EFR3B: variants seen among roughly 807,000 people sequenced by gnomAD.
EFR3B encodes the protein protein EFR3 homolog B.
A neutral mutation model predicts 104.7 loss-of-function variants in EFR3B; 64 were observed. That is an observed-to-expected ratio of 0.61 (90% CI 0.50 to 0.75). The LOEUF is 0.75. Among genes scored for constraint, EFR3B ranks in the 30% least tolerant of loss-of-function variants. The pLI is 0.00. For synonymous variants in EFR3B, 385 were observed against 417.9 expected (o/e 0.92, Z 0.96); for missense variants, 750 against 1,078.5 (o/e 0.70, Z 4.27).
At position 25,042,365 on chromosome 2, in the gene EFR3B, C is replaced by T; in HGVS notation, c.7+46C>T. 2.4e-6 allele frequency: 3 copies of T among 1,240,670 alleles called. No homozygotes were observed. Among genetic ancestry groups the T allele is most frequent in the Non-Finnish European group, 1.0e-6 (1 of 991,184 alleles). 76.9% of individuals were successfully genotyped at this position (1,240,670 alleles called of 1,614,324 possible). On this transcript the variant is annotated intron_variant, in intron 1 of 22. Coordinates refer to ENST00000403714, the MANE Select transcript of EFR3B (RefSeq NM_014971.2). This position sits in a 1 kb window ranked among gnomAD's most constrained non-coding sequence, Gnocchi z 5.4. ...GGGCCCGGGCCCGCGGGGGCGACTC[C>T]GCAAACTTCCCCGGCGCGGACCATT...
intron 4 of EFR3B, among the ~76,000 whole-genome samples, chr2:25,121,442 C>A (rs960328330): frequency 6.6e-6 from 1 of 152,148 alleles, no homozygotes; most frequent in South Asian, 2.1e-4. Flanking sequence ...CCTCTGCTCC[C>A]GCAGCAGGGG....
rs1429277265 is a variant in EFR3B, at chr2:25,143,842, C to T, written c.2030C>T (p.Pro677Leu). Residue 677 changes from proline (P) to leucine (L), a missense_variant, in exon 18 of 23, where the codon CCC becomes CTC. Physicochemically the swap from Pro to Leu is moderately conservative, Grantham distance 98. Transcript: ENST00000403714. Reference protein sequence around the residue: ...SGYNSDRLCLPYIPQLTDEDR... With the variant: ...SGYNSDRLCLLYIPQLTDEDR... ...TACAACTCGGACCGGCTCTGCCTGC[C>T]CTACATTCCTCAGCTGACAGGTATG... 6 of 1,551,588 alleles carry T rather than the reference C, an allele frequency of 3.9e-6. No homozygotes were observed. The highest frequency in any genetic ancestry group is 5.2e-6 in the Non-Finnish European group (6 of 1,146,954).
chr2:25,067,426 G>GTTTTTTTT (rs111972158), intron 1 of EFR3B, among the ~76,000 whole-genome samples: 12 of 142,818 alleles, frequency 8.4e-5, no homozygotes, highest in African/African-American at 2.8e-4. Context: ...TTTAGTTTTT[G>GTTTTTTTT]TTTTTTTTTT....
chr2:25,121,273 G>A (rs912519522), intron 4 of EFR3B, among the ~76,000 whole-genome samples: 4 of 152,154 alleles, frequency 2.6e-5, no homozygotes, highest in African/African-American at 7.2e-5. Context: ...TTGTGTCCTC[G>A]AATTCATTGA....
intron 1 of EFR3B, among the ~76,000 whole-genome samples, chr2:25,085,412 G>C (rs1175498977): frequency 6.6e-6 from 1 of 152,114 alleles, no homozygotes; most frequent in African/African-American, 2.4e-5. Context: ...TATTTTTAAA[G>C]TAGGTAATAA....
chr2:25,108,045 G>C (rs1360901222), intron 4 of EFR3B, among the ~76,000 whole-genome samples: 1 of 152,038 alleles, frequency 6.6e-6, no homozygotes, highest in Non-Finnish European at 1.5e-5. Flanking sequence ...TGTTGGCCAG[G>C]CTCTTCTCAA....
At chr2:25,141,551 G>A in intron 17 of EFR3B, 118 bp downstream of exon 17, 1 of 1,057,652 alleles carries the variant, frequency 9.5e-7, no homozygotes, top group Non-Finnish European at 1.3e-6. Context: ...GGACTCAAGG[G>A]CAGAAGGTGG....
At chr2:25,081,704 C>T (rs1008004668) in intron 1 of EFR3B, 42 of 533,114 alleles carry the variant, frequency 7.9e-5, no homozygotes, top group African/African-American at 1.2e-4. Context: ...GAGTGAGACC[C>T]ATTCCCTTGG....
chr2:25,118,634 C>T (rs924524672), intron 4 of EFR3B, among the ~76,000 whole-genome samples: 2 of 133,036 alleles, frequency 1.5e-5, no homozygotes, highest in African/African-American at 5.7e-5. Flanking sequence ...CAGCGTATGT[C>T]AAAAACAGCA....
chr2:25,069,062 C>G (rs1274554823), intron 1 of EFR3B, among the ~76,000 whole-genome samples: 2 of 151,736 alleles, frequency 1.3e-5, no homozygotes, highest in African/African-American at 4.8e-5. Context: ...GCCTCACCAC[C>G]ACACCCAGCT....
intron 1 of EFR3B, among the ~76,000 whole-genome samples, chr2:25,050,449 G>A (rs1667835054): frequency 6.6e-6 from 1 of 152,114 alleles, no homozygotes; most frequent in Non-Finnish European, 1.5e-5. Flanking sequence ...GGGGTGCAGG[G>A]GTAAGGGTGA....
At chr2:25,064,722 T>A (rs1668285197) in intron 1 of EFR3B, among the ~76,000 whole-genome samples, 2 of 152,222 alleles carry the variant, frequency 1.3e-5, no homozygotes, top group Admixed American at 6.5e-5. Context: ...CAGATCACAT[T>A]AAAGAAAGCT....
chr2:25,141,102 A>AAG (rs1476884509), intron 16 of EFR3B, among the ~76,000 whole-genome samples: 1 of 151,064 alleles, frequency 6.6e-6, no homozygotes. Flanking sequence ...GCAGTCTCTT[A>AAG]AGAGTTAAGT....
chr2:25,047,077 A>G (rs1490942385), intron 1 of EFR3B, among the ~76,000 whole-genome samples: 1 of 152,242 alleles, frequency 6.6e-6, no homozygotes, highest in Non-Finnish European at 1.5e-5. Context: ...CAGTGAATAC[A>G]AGTGGTCACA....
chr2:25,101,571 C>T (rs1363374723), intron 3 of EFR3B, among the ~76,000 whole-genome samples: 1 of 152,170 alleles, frequency 6.6e-6, no homozygotes, highest in Non-Finnish European at 1.5e-5. Context: ...CTGTCTTGAA[C>T]TCCTGGCTCA....
intron 15 of EFR3B, 100 bp from the exon 16 acceptor site, chr2:25,138,959 A>C: frequency 2.7e-6 from 4 of 1,470,400 alleles, no homozygotes; most frequent in Non-Finnish European, 3.7e-6. Context: ...TAGGAAAGCA[A>C]GCATTTCTAA....
intron 1 of EFR3B, among the ~76,000 whole-genome samples, chr2:25,077,531 C>T (rs867038634): frequency 3.3e-5 from 5 of 152,184 alleles, no homozygotes; most frequent in African/African-American, 9.7e-5. Flanking sequence ...CCTCCTGATC[C>T]GCCTGCCTTG....
chr2:25,127,182 A>G (rs1240714276), intron 5 of EFR3B, among the ~76,000 whole-genome samples: 2 of 127,530 alleles, frequency 1.6e-5, no homozygotes, highest in Non-Finnish European at 3.2e-5. Flanking sequence ...ACAGAGCCAG[A>G]CTCCACCTCA....
chr2:25,086,994 T>C (rs1573192208), intron 1 of EFR3B, among the ~76,000 whole-genome samples: 1 of 152,198 alleles, frequency 6.6e-6, no homozygotes, highest in Non-Finnish European at 1.5e-5. Context: ...GCGTAATTTA[T>C]AAAGGAAAGA....
Sources: gnomAD v4.1 joint callset for allele counts (sites outside exome capture counted in the v4.1 genomes callset) on GRCh38, gnomAD v4.1.1 for gene constraint, Gnocchi (gnomAD v3.1) non-coding constraint, MANE v1.5 for transcripts, NCBI Gene and HGNC (gene_info 2026-07-23, HGNC 2026-07-21) for gene names.